The following LIMD1 variants were observed in gnomAD, a reference collection of about 807,000 sequenced individuals.
The protein encoded by LIMD1 is LIM domain containing 1, also known as LIM domain-containing protein 1.
In LIMD1, 23 loss-of-function variants were observed where a neutral mutation model predicts 58.4. That is an observed-to-expected ratio of 0.39 (90% confidence interval 0.28 to 0.56). The LOEUF is 0.56. Among genes scored for constraint, LIMD1 ranks in the 20% least tolerant of loss-of-function variants. The probability of loss-of-function intolerance (pLI) is 0.57; values close to 1 mark genes in which losing one functional copy is unlikely to be tolerated. For synonymous variants in LIMD1, 334 were observed against 345.5 expected (o/e 0.97, Z 0.37); for missense variants, 838 against 855.5 (o/e 0.98, Z 0.25).
chr3:45,626,387 C>A (rs1701668329), intron 1 of LIMD1, among the ~76,000 whole-genome samples: 1 of 152,040 alleles, frequency 6.6e-6, no homozygotes. Context: ...CAGACAATGG[C>A]ATATTATTTA....
At chr3:45,606,775 C>T (rs6782544) in intron 1 of LIMD1, among the ~76,000 whole-genome samples, 5,623 of 152,220 alleles carry the variant, frequency 0.037, 331 homozygotes, top group African/African-American at 0.13. Context: ...TGCAGAGGTG[C>T]TTGAACCAAA....
chr3:45,598,450 T>A (rs910671499), intron 1 of LIMD1, among the ~76,000 whole-genome samples: 2 of 152,274 alleles, frequency 1.3e-5, no homozygotes, highest in Admixed American at 6.5e-5. Flanking sequence ...AAGTTTATGC[T>A]GTGCATCAGA....
Position 45,618,431 on chromosome 3 carries a change from G to A in LIMD1, c.1409-17719G>A, listed in dbSNP as rs556745414. Among the ~76,000 whole-genome samples, 72 of 152,260 alleles carry A rather than the reference G, an allele frequency of 4.7e-4. 1 individual carries two copies. The highest frequency in any genetic ancestry group is 1.5e-3 in the African/African-American group (64 of 41,556). ...ACCCAGTGGAGGAGTAGGGAGGGGC[G>A]TGGGGCAGGGAAGGAGAGAGCTCAG... On this transcript the variant is annotated intron_variant, in intron 1 of 7. Coordinates refer to ENST00000273317, the MANE Select transcript of LIMD1 (RefSeq NM_014240.3).
intron 4 of LIMD1, among the ~76,000 whole-genome samples, chr3:45,672,447 A>G (rs1697597223): frequency 1.3e-5 from 2 of 152,180 alleles, no homozygotes; most frequent in African/African-American, 2.4e-5. Context: ...TTTCCCTGCC[A>G]GCTCAGAGAC....
chr3:45,617,534 C>G (rs1701587303), intron 1 of LIMD1, among the ~76,000 whole-genome samples: 1 of 152,208 alleles, frequency 6.6e-6, no homozygotes. Context: ...CACAGTTGTG[C>G]CAGGTGTCTA....
At chr3:45,601,490 A>C (rs1299740330) in intron 1 of LIMD1, among the ~76,000 whole-genome samples, 1 of 152,154 alleles carries the variant, frequency 6.6e-6, no homozygotes, top group Non-Finnish European at 1.5e-5. Context: ...CCTTCATCGA[A>C]GGGCCTTTGC....
At chr3:45,596,672 C>A (rs1286049637) in intron 1 of LIMD1, among the ~76,000 whole-genome samples, 1 of 151,922 alleles carries the variant, frequency 6.6e-6, no homozygotes, top group African/African-American at 2.4e-5. Context: ...GGGGCAGCTA[C>A]CCCTGAGCGT....
intron 1 of LIMD1, among the ~76,000 whole-genome samples, chr3:45,614,577 G>A (rs961837915): frequency 7.9e-5 from 12 of 151,676 alleles, no homozygotes; most frequent in African/African-American, 2.9e-4. Flanking sequence ...AAAAAAATTA[G>A]CTGGGCGTGG....
chr3:45,629,412 C>CAAAAAAAA (rs57306025), intron 1 of LIMD1, among the ~76,000 whole-genome samples: 5 of 97,568 alleles, frequency 5.1e-5, no homozygotes, highest in African/African-American at 1.5e-4. Flanking sequence ...ACTCTTGTCT[C>CAAAAAAAA]AAAAAAAAAA....
At chr3:45,596,396 G>T (rs553625645) in intron 1 of LIMD1, 109 bp downstream of exon 1, 1 of 851,126 alleles carries the variant, frequency 1.2e-6, no homozygotes, top group East Asian at 2.7e-5. Flanking sequence ...CTCTCTTTGA[G>T]TGGCCTGTTT....
At chr3:45,649,508 C>T (rs1043912299) in intron 2 of LIMD1, among the ~76,000 whole-genome samples, 6 of 151,014 alleles carry the variant, frequency 4.0e-5, no homozygotes, top group Admixed American at 4.0e-4. Context: ...GGTGAAACCC[C>T]GTCTCTACTA....
rs141889674 is a variant in LIMD1 at position 45,640,282 on chromosome 3, C to G, written c.1510+4031C>G. Among the ~76,000 whole-genome samples the G allele has an allele frequency of 5.8e-3, 879 of 152,302 alleles. 7 individuals are homozygous for G. The highest frequency in any genetic ancestry group is 0.02 in the African/African-American group (825 of 41,560). ...CATTGTTATCTAGAATAGCCTCTCC[C>G]CATTCACTTAATACATTTCTCTGTC... On this transcript the variant is annotated intron_variant, in intron 2 of 7. Transcript: ENST00000273317.
chr3:45,654,350 T>C (rs150242944), intron 2 of LIMD1, among the ~76,000 whole-genome samples: 79 of 152,350 alleles, frequency 5.2e-4, no homozygotes, highest in African/African-American at 1.8e-3. Flanking sequence ...GAATAGGTTA[T>C]AGCTTATTTC....
chr3:45,611,202 A>C (rs890725960), intron 1 of LIMD1, among the ~76,000 whole-genome samples: 2 of 152,242 alleles, frequency 1.3e-5, no homozygotes, highest in African/African-American at 2.4e-5. Flanking sequence ...ACAAATGCTT[A>C]AACAAAAAGA....
At chr3:45,619,298 T>G (rs1701607875) in intron 1 of LIMD1, among the ~76,000 whole-genome samples, 1 of 152,180 alleles carries the variant, frequency 6.6e-6, no homozygotes, top group African/African-American at 2.4e-5. Context: ...TGTGAGCCAC[T>G]GTGCCCAGCT....
At chr3:45,632,831 G>A (rs755389763) in intron 1 of LIMD1, among the ~76,000 whole-genome samples, 1 of 152,326 alleles carries the variant, frequency 6.6e-6, no homozygotes, top group Non-Finnish European at 1.5e-5. Flanking sequence ...GCCTGGTCCA[G>A]TGGTCACTGT....
chr3:45,675,762 T>C (rs1461056234), intron 7 of LIMD1, among the ~76,000 whole-genome samples: 2 of 152,062 alleles, frequency 1.3e-5, no homozygotes, highest in Non-Finnish European at 2.9e-5. Context: ...ATCTTAGCAC[T>C]TTGGAAGGCC....
chr3:45,658,351 C>T (rs1329520645), intron 2 of LIMD1, among the ~76,000 whole-genome samples: 1 of 152,006 alleles, frequency 6.6e-6, no homozygotes, highest in Non-Finnish European at 1.5e-5. Flanking sequence ...TACTGGCCTC[C>T]TGTGTCCGGA....
chr3:45,657,554 A>G (rs1697354814), intron 2 of LIMD1, among the ~76,000 whole-genome samples: 1 of 151,748 alleles, frequency 6.6e-6, no homozygotes, highest in South Asian at 2.1e-4. Context: ...AGGAAAAAGA[A>G]AGAAAGGCCT....
Sources: gnomAD v4.1 joint callset for allele counts (sites outside exome capture counted in the v4.1 genomes callset) on GRCh38, gnomAD v4.1.1 for gene constraint, MANE v1.5 for transcripts, NCBI Gene and HGNC (gene_info 2026-07-23, HGNC 2026-07-21) for gene names.